Variants in ACAD11 observed in about 807,000 individuals in gnomAD.
ACAD11 encodes the protein acyl-Coenzyme A dehydrogenase family, member 11.
ACAD11 carries 83 observed loss-of-function variants against 102.2 expected under a neutral mutation model. The ratio of observed to expected loss-of-function variants is 0.81; its 90% CI spans 0.68 to 0.97. ACAD11 has a LOEUF of 0.97. ACAD11 is among the 50% of genes least tolerant of loss of function. The probability of loss-of-function intolerance (pLI) is 0.00; values close to 1 mark genes in which losing one functional copy is unlikely to be tolerated. For synonymous variants in ACAD11, 324 were observed against 319.8 expected (o/e 1.01, Z -0.14); for missense variants, 901 against 951.7 (o/e 0.95, Z 0.70).
chr3:132,613,018 C>T (rs936438969), intron 11 of ACAD11, among the ~76,000 whole-genome samples: 1 of 152,008 alleles, frequency 6.6e-6, no homozygotes, highest in Non-Finnish European at 1.5e-5. Flanking sequence ...AAATGTGGCG[C>T]ATATACACCA....
chr3:132,632,102 G>C (rs952891828), intron 5 of ACAD11, among the ~76,000 whole-genome samples: 2 of 111,174 alleles, frequency 1.8e-5, no homozygotes, highest in Non-Finnish European at 3.7e-5. Flanking sequence ...TTTTTTTTTT[G>C]AGACGGAGTC....
rs773617774 is a variant in ACAD11 at position 132,631,482 on chromosome 3, G to T, written c.703-3C>A. The T allele has an allele frequency of 6.9e-7, 1 of 1,458,586 alleles. No homozygotes were observed. Among genetic ancestry groups the T allele is most frequent in the South Asian group, 1.6e-5 (1 of 63,146 alleles). 90.4% of individuals were successfully genotyped at this position (1,458,586 alleles called of 1,614,324 possible). A position where few individuals can be genotyped will look rare whatever the true frequency, so the allele number is the denominator to read the frequency against. On this transcript the variant is annotated splice_polypyrimidine_tract_variant and splice_region_variant and intron_variant, in intron 5 of 19. Transcript: ENST00000264990. Reference sequence around the variant, plus strand: ...TCCAGCACTGCTATAACTCGACACTGTAATTAAAAATAAAGAGGTCTGTAA... The same window carrying T: ...TCCAGCACTGCTATAACTCGACACTTTAATTAAAAATAAAGAGGTCTGTAA...
chr3:132,559,914 C>A lies in ACAD11; in HGVS notation c.2147G>T (p.Arg716Leu), dbSNP rs757017604. 3.1e-6 allele frequency: 5 copies of A among 1,613,096 alleles called. No homozygotes were observed. The Admixed American group carries it at 8.3e-5, about 27-fold the overall frequency. The change falls in exon 19 of 20, where the codon CGG becomes CTG. Residue 716 changes from arginine (R) to leucine (L), a missense_variant. Coordinates refer to ENST00000264990, the MANE Select transcript of ACAD11 (RefSeq NM_032169.5). Reference protein sequence around the residue: ...EIAMIKVAAPRAVSKIVDWAI... With the variant: ...EIAMIKVAAPLAVSKIVDWAI... ...CCAGTCAACGATTTTGCTGACAGCC[C>A]GTGGGGCAGCCACTTTGATCATTGC...
chr3:132,591,876 A>C (rs576230907), intron 13 of ACAD11, among the ~76,000 whole-genome samples: 3 of 152,222 alleles, frequency 2.0e-5, no homozygotes, highest in South Asian at 4.2e-4. Context: ...TAGGCAATAG[A>C]GTGAGATTTT....
intron 1 of ACAD11, chr3:132,659,397 C>A (rs1938001723): frequency 3.3e-6 from 2 of 605,492 alleles, no homozygotes; most frequent in Non-Finnish European, 5.5e-6. Context: ...AACGTTATTG[C>A]GCTTCCATTA....
At chr3:132,609,070 A>G (rs1211792508) in intron 11 of ACAD11, among the ~76,000 whole-genome samples, 1 of 152,220 alleles carries the variant, frequency 6.6e-6, no homozygotes, top group Non-Finnish European at 1.5e-5. Flanking sequence ...TAAGGCAGAA[A>G]TAAATAAGTT....
chr3:132,590,310 A>C (rs959734769), intron 13 of ACAD11, among the ~76,000 whole-genome samples: 3 of 152,106 alleles, frequency 2.0e-5, no homozygotes, highest in Admixed American at 6.6e-5. Flanking sequence ...AGGCTGGAGT[A>C]GAGTGGCGCG....
chr3:132,631,269 A>C (rs1940031417), intron 6 of ACAD11, 72 bp downstream of exon 6: 5 of 929,450 alleles, frequency 5.4e-6, no homozygotes, highest in Non-Finnish European at 7.3e-6. Flanking sequence ...TGCAAGATTT[A>C]TATTTTAATT....
chr3:132,603,418 T>A, intron 12 of ACAD11, 91 bp from the exon 13 acceptor site: 1 of 1,132,860 alleles, frequency 8.8e-7, no homozygotes, highest in East Asian at 2.4e-5. Context: ...CAAAGACATC[T>A]TTATCTTTTT....
rs150547125 is a variant in ACAD11, at chr3:132,584,151, C to T, written c.1622-4593G>A. 5.9e-5 allele frequency among the ~76,000 whole-genome samples: 9 copies of T among 152,266 alleles called. No homozygotes were observed. The East Asian group carries it at 1.7e-3, about 29-fold the overall frequency. Reference sequence around the variant, plus strand: ...GTCCCGTTGATCTGTCTAACGTTGACAGTGGGGTGTTAAAGTCTCCCATTA... The same window carrying T: ...GTCCCGTTGATCTGTCTAACGTTGATAGTGGGGTGTTAAAGTCTCCCATTA... On this transcript the variant is annotated intron_variant, in intron 13 of 19. Transcript: ENST00000264990.
intron 11 of ACAD11, among the ~76,000 whole-genome samples, chr3:132,606,961 AGC>A (rs1425088497): frequency 1.3e-5 from 2 of 152,256 alleles, no homozygotes; most frequent in African/African-American, 2.4e-5. Context: ...GCTGTTCTGC[AGC>A]CTCCACTTGT....
At chr3:132,646,177 C>G (rs547187000) in intron 1 of ACAD11, among the ~76,000 whole-genome samples, 3 of 152,140 alleles carry the variant, frequency 2.0e-5, no homozygotes, top group Non-Finnish European at 4.4e-5. Context: ...GGGGTTTCAC[C>G]GTGGTCTCGA....
intron 13 of ACAD11, among the ~76,000 whole-genome samples, chr3:132,596,779 T>C (rs1007653926): frequency 4.6e-5 from 7 of 152,180 alleles, no homozygotes; most frequent in Non-Finnish European, 1.0e-4. Context: ...AAGACTCTAG[T>C]AGTTTAAATA....
At chr3:132,598,980 G>A (rs1938443709) in intron 13 of ACAD11, among the ~76,000 whole-genome samples, 1 of 152,154 alleles carries the variant, frequency 6.6e-6, no homozygotes, top group African/African-American at 2.4e-5. Flanking sequence ...TTTTGAAAAG[G>A]AGGTATTGAG....
chr3:132,643,891 C>A (rs1319489115), intron 2 of ACAD11, among the ~76,000 whole-genome samples: 1 of 152,034 alleles, frequency 6.6e-6, no homozygotes, highest in Admixed American at 6.6e-5. Flanking sequence ...GAGCATTATG[C>A]CCTGTTCTGG....
rs6776576 is a variant in ACAD11 at position 132,626,804 on chromosome 3, C to T, written c.1084G>A (p.Val362Ile). The T allele has an allele frequency of 3.7e-6, 6 of 1,611,496 alleles. No individual in the cohort carries two copies. Among genetic ancestry groups the T allele is most frequent in the Non-Finnish European group, 5.1e-6 (6 of 1,179,434 alleles). The part of the protein sequence containing the change: ...LQLSKRTFST[V>I]LPQIDTTGQL... Reference sequence around the variant, plus strand: ...CCAGTAGTATCAATCTGTGGTAGTACAGTACTGAAAGTTCTTTGCCAAAAG... The same window carrying T: ...CCAGTAGTATCAATCTGTGGTAGTATAGTACTGAAAGTTCTTTGCCAAAAG... The change falls in exon 9 of 20, where the codon GTA (valine) becomes ATA (isoleucine). Residue 362 changes from valine (V) to isoleucine (I), a missense_variant. Physicochemically the swap from Val to Ile is conservative, Grantham distance 29. Coordinates refer to ENST00000264990, the MANE Select transcript of ACAD11 (RefSeq NM_032169.5).
At chr3:132,596,141 G>A (rs958920254) in intron 13 of ACAD11, among the ~76,000 whole-genome samples, 1 of 152,184 alleles carries the variant, frequency 6.6e-6, no homozygotes, top group Non-Finnish European at 1.5e-5. Context: ...GCACGTGGAT[G>A]GAGCTGGAGA....
chr3:132,585,677 A>G (rs1227996777), intron 13 of ACAD11, among the ~76,000 whole-genome samples: 10 of 152,310 alleles, frequency 6.6e-5, no homozygotes, highest in African/African-American at 1.2e-4. Flanking sequence ...AAAAGTGGGC[A>G]AAGGATATGA....
chr3:132,656,373 G>C (rs1398591958), intron 1 of ACAD11, among the ~76,000 whole-genome samples: 1 of 152,160 alleles, frequency 6.6e-6, no homozygotes, highest in East Asian at 1.9e-4. Context: ...CATAGGTCAT[G>C]TGTATCTTCC....
Sources: allele counts gnomAD v4.1 joint callset (sites outside exome capture counted in the v4.1 genomes callset), GRCh38; gene constraint gnomAD v4.1.1; transcripts MANE v1.5; gene names NCBI Gene and HGNC (gene_info 2026-07-23, HGNC 2026-07-21).